The following ZNF486 variants were observed in gnomAD, a reference collection of about 807,000 sequenced individuals.
ZNF486 encodes the protein KRAB box only protein 2.
A neutral mutation model predicts 12.8 loss-of-function variants in ZNF486; 12 were observed. That is an observed-to-expected ratio of 0.94 (90% CI 0.60 to 1.52). The LOEUF (loss-of-function observed/expected upper bound fraction) is 1.52. Ranked by LOEUF, ZNF486 falls within the 40% of genes most tolerant of loss-of-function variation. The pLI is 0.00. For synonymous variants in ZNF486, 231 were observed against 184.9 expected (o/e 1.25, Z -2.02); for missense variants, 738 against 545.0 (o/e 1.35, Z -3.53).
In ZNF486 at chr19:20,167,263, C is replaced by T. The variant is rs1300739508; in HGVS notation, c.-68C>T. The T allele has an allele frequency of 6.3e-7, 1 of 1,599,114 alleles. No individual in the cohort carries two copies. The highest frequency in any genetic ancestry group is 8.6e-7 in the Non-Finnish European group (1 of 1,166,518). ...AGGTCGCCTCTTCGCTACTCTGTGT[C>T]CTCTGCTCCTAGAGGCCCACCCTCT... is the stretch of plus-strand genomic sequence containing the variant. On this transcript the variant is annotated 5_prime_UTR_variant, in exon 1 of 4. Coordinates refer to ENST00000335117, the MANE Select transcript of ZNF486 (RefSeq NM_052852.4).
chr19:20,197,872 A>T lies in ZNF486; in HGVS notation c.1162A>T (p.Thr388Ser), dbSNP rs1555718326. The change falls in exon 4 of 4, where the codon ACA becomes TCA. Residue 388 changes from threonine to serine, a missense_variant. Coordinates refer to ENST00000335117, the MANE Select transcript of ZNF486 (RefSeq NM_052852.4). ...YKCEECGKAF[T>S]WSAGLHKHRR... Reference sequence around the variant, plus strand: ...ATGTGAAGAATGTGGCAAAGCCTTTACATGGTCTGCAGGCCTCCATAAACA... The same window carrying T: ...ATGTGAAGAATGTGGCAAAGCCTTTTCATGGTCTGCAGGCCTCCATAAACA... 3.1e-6 allele frequency: 5 copies of T among 1,613,470 alleles called. No homozygotes were observed. The African/African-American group carries it at 5.4e-5, about 17-fold the overall frequency.
chr19:20,180,382 G>GT (rs2089771408), intron 1 of ZNF486, among the ~76,000 whole-genome samples: 3 of 151,976 alleles, frequency 2.0e-5, no homozygotes, highest in Non-Finnish European at 4.4e-5. Context: ...AATACGTGAA[G>GT]CAGTCATGGT....
chr19:20,190,522 C>A (rs1240701738), intron 3 of ZNF486, among the ~76,000 whole-genome samples: 1 of 152,126 alleles, frequency 6.6e-6, no homozygotes, highest in Non-Finnish European at 1.5e-5. Flanking sequence ...CCAGCTTGGA[C>A]TACAGACATG....
At chr19:20,179,793 A>T (rs1017263488) in intron 1 of ZNF486, among the ~76,000 whole-genome samples, 2 of 152,230 alleles carry the variant, frequency 1.3e-5, no homozygotes, top group Non-Finnish European at 2.9e-5. Context: ...GGCCTGCTAC[A>T]GTGATGTGAG....
At chr19:20,187,266 A>G (rs1253118371) in intron 3 of ZNF486, among the ~76,000 whole-genome samples, 1 of 152,048 alleles carries the variant, frequency 6.6e-6, no homozygotes, top group Non-Finnish European at 1.5e-5. Context: ...GAGTGTATTT[A>G]TCACTTCAGA....
At chr19:20,176,533 A>C (rs376848331) in intron 1 of ZNF486, 50 of 195,950 alleles carry the variant, frequency 2.6e-4, no homozygotes, top group Non-Finnish European at 3.8e-4. Flanking sequence ...AGCCTGGGCA[A>C]CATTGAGCAC....
chr19:20,170,161 T>C (rs1348395735), intron 1 of ZNF486, among the ~76,000 whole-genome samples: 1 of 151,854 alleles, frequency 6.6e-6, no homozygotes, highest in South Asian at 2.1e-4. Flanking sequence ...CCTCCCGAAG[T>C]GCTGGGATTA....
rs2089978426 is a variant in ZNF486 at position 20,197,979 on chromosome 19, ACAT to A, written c.1270_1272del (p.His424del). ...ATACTACATCCTCAAATCTAACTGAACATAAGACAACTCATACTGGAGAGAAAC... is the reference window on the plus strand; with the variant it reads ...ATACTACATCCTCAAATCTAACTGAAAAGACAACTCATACTGGAGAGAAAC... On this transcript the variant is annotated inframe_deletion, in exon 4 of 4. Transcript: ENST00000335117. 1 of 1,613,666 alleles carries A rather than the reference ACAT, an allele frequency of 6.2e-7. No homozygotes were observed. The highest frequency in any genetic ancestry group is 1.7e-5 in the Admixed American group (1 of 59,942).
chr19:20,177,809 C>A (rs917079950), intron 1 of ZNF486, among the ~76,000 whole-genome samples: 3 of 152,118 alleles, frequency 2.0e-5, no homozygotes, highest in African/African-American at 7.2e-5. Context: ...CTCTTGACCT[C>A]AGGTGATCCA....
In ZNF486 at chr19:20,200,032, T is replaced by C. The variant is rs1253871938; in HGVS notation, c.*1930T>C. The C allele has an allele frequency of 2.0e-5, 3 of 151,520 alleles. No individual in the cohort carries two copies. Among genetic ancestry groups the C allele is most frequent in the African/African-American group, 7.3e-5 (3 of 41,170 alleles). The allele number at this position is 151,520 out of a possible 1,614,324, so 9.4% of individuals were successfully genotyped here. A position where few individuals can be genotyped will look rare whatever the true frequency, so the allele number is the denominator to read the frequency against. The stretch of plus-strand genomic sequence containing the variant: ...AGGTGGAGGTTGCAGTGAGCCGAGG[T>C]TGCACCATTGTCCAGCCTGGGCAAC... On this transcript the variant is annotated 3_prime_UTR_variant, in exon 4 of 4. Transcript: ENST00000335117.
intron 2 of ZNF486, among the ~76,000 whole-genome samples, chr19:20,185,059 C>T (rs911508275): frequency 3.9e-5 from 6 of 151,954 alleles, no homozygotes; most frequent in Admixed American, 2.0e-4. Flanking sequence ...TTTGGTGAGC[C>T]GAGACTGAGC....
At position 20,197,462 on chromosome 19, in the gene ZNF486, C is replaced by G; in HGVS notation, c.752C>G (p.Ser251Cys). Residue 251 changes from serine (S) to cysteine (C), a missense_variant, in exon 4 of 4, where the codon TCT becomes TGT. Coordinates refer to ENST00000335117, the MANE Select transcript of ZNF486 (RefSeq NM_052852.4). The stretch of plus-strand genomic sequence containing the variant: ...TGTGGCAAAGTCTTTAAGTACTTCT[C>G]TAGCTTTACTACACATAAGAAAATT... Reference protein sequence around the residue: ...EECGKVFKYFSSFTTHKKIHS... With the variant: ...EECGKVFKYFCSFTTHKKIHS... The G allele has an allele frequency of 6.2e-7, 1 of 1,609,176 alleles. No homozygotes were observed. The highest frequency in any genetic ancestry group is 8.5e-7 in the Non-Finnish European group (1 of 1,177,324).
At chr19:20,195,538 T>TG (rs1363170643) in intron 3 of ZNF486, among the ~76,000 whole-genome samples, 159 of 152,326 alleles carry the variant, frequency 1.0e-3, no homozygotes, top group African/African-American at 3.8e-3. Context: ...AAGTTTATAA[T>TG]TTTTTTGATG....
intron 1 of ZNF486, chr19:20,175,202 G>T (rs573357925): frequency 5.5e-4 from 84 of 152,256 alleles, no homozygotes; most frequent in African/African-American, 1.9e-3. Context: ...TGTTTAGAGA[G>T]AAATTGCTTT....
intron 1 of ZNF486, among the ~76,000 whole-genome samples, chr19:20,181,277 C>G (rs991647302): frequency 6.6e-6 from 1 of 151,794 alleles, no homozygotes; most frequent in South Asian, 2.1e-4. Context: ...CGGTGGCTCA[C>G]GCCTGTAATC....
In ZNF486 at chr19:20,198,270, A is replaced by G. The variant is rs2089981615; in HGVS notation, c.*168A>G. On this transcript the variant is annotated 3_prime_UTR_variant, in exon 4 of 4. Transcript: ENST00000335117. ...AGGGCTGCACCACCACACCTGGCTA[A>G]TTTTGTATTTTTAGTAGAGATGGGG... 2 of 613,242 alleles carry G rather than the reference A, an allele frequency of 3.3e-6. No homozygotes were observed. Among genetic ancestry groups the G allele is most frequent in the Non-Finnish European group, 5.7e-6 (2 of 352,982 alleles). 38.0% of individuals were successfully genotyped at this position (613,242 alleles called of 1,614,324 possible).
At chr19:20,174,484 G>A (rs1271183698) in intron 1 of ZNF486, among the ~76,000 whole-genome samples, 2 of 151,822 alleles carry the variant, frequency 1.3e-5, no homozygotes, top group African/African-American at 4.8e-5. Flanking sequence ...TGCCTCCCGG[G>A]TTCAAGCGAT....
chr19:20,189,353 A>C (rs1555716889), intron 3 of ZNF486, among the ~76,000 whole-genome samples: 1 of 152,212 alleles, frequency 6.6e-6, no homozygotes. Context: ...TACAGGCTTG[A>C]GCACCTGGGC....
chr19:20,195,756 C>T (rs1165533030), intron 3 of ZNF486, among the ~76,000 whole-genome samples: 1 of 152,146 alleles, frequency 6.6e-6, no homozygotes, highest in Non-Finnish European at 1.5e-5. Context: ...TTAGTTAAAT[C>T]AGCTTATTCA....
Sources: allele counts gnomAD v4.1 joint callset (sites outside exome capture counted in the v4.1 genomes callset), GRCh38; gene constraint gnomAD v4.1.1; transcripts MANE v1.5; gene names NCBI Gene and HGNC (gene_info 2026-07-23, HGNC 2026-07-21).